PTPN2: variants seen among roughly 807,000 people sequenced by gnomAD.
The protein encoded by PTPN2 is protein tyrosine phosphatase non-receptor type 2.
A neutral mutation model predicts 57.3 loss-of-function variants in PTPN2; 19 were observed. That is an observed-to-expected ratio of 0.33 (90% CI 0.23 to 0.49). The LOEUF is 0.49. Among genes scored for constraint, PTPN2 ranks in the 20% least tolerant of loss-of-function variants. The probability of loss-of-function intolerance (pLI) is 0.99; values close to 1 mark genes in which losing one functional copy is unlikely to be tolerated. For missense variants in PTPN2, 358 were observed against 501.1 expected (o/e 0.71, Z 2.73); for synonymous variants, 153 against 164.9 (o/e 0.93, Z 0.55).
chr18:12,857,814 T>C (rs1282349435), intron 2 of PTPN2, among the ~76,000 whole-genome samples: 1 of 152,198 alleles, frequency 6.6e-6, no homozygotes, highest in East Asian at 1.9e-4. Context: ...CTCTTCTAGC[T>C]ACTTGTCTTT....
At chr18:12,827,392 A>G (rs1020791058) in intron 4 of PTPN2, among the ~76,000 whole-genome samples, 1 of 89,694 alleles carries the variant, frequency 1.1e-5, no homozygotes, top group African/African-American at 3.3e-5. Flanking sequence ...AGGAAAATAA[A>G]TAATTTTTTT....
chr18:12,871,360 TTGTC>T (rs1387629970), intron 1 of PTPN2, among the ~76,000 whole-genome samples: 3 of 152,148 alleles, frequency 2.0e-5, no homozygotes, highest in African/African-American at 7.2e-5. Flanking sequence ...TTTTTCATCT[TTGTC>T]TGATAGGTGA....
Position 12,884,208 on chromosome 18 carries a change from C to G in PTPN2, c.-67G>C, listed in dbSNP as rs960969435. The G allele has an allele frequency of 1.5e-6, 2 of 1,302,262 alleles. No individual in the cohort carries two copies. Among genetic ancestry groups the G allele is most frequent in the Non-Finnish European group, 2.1e-6 (2 of 973,336 alleles). The allele number at this position is 1,302,262 out of a possible 1,614,324, so 80.7% of individuals were successfully genotyped here. A position where few individuals can be genotyped will look rare whatever the true frequency, so the allele number is the denominator to read the frequency against. ...GGAGAGGCTCAGGCCCCGCACGATCCGGGGAGAGCGCTGGCGCTGCGGCGC... is the reference window on the plus strand; with the variant it reads ...GGAGAGGCTCAGGCCCCGCACGATCGGGGGAGAGCGCTGGCGCTGCGGCGC... On this transcript the variant is annotated 5_prime_UTR_variant, in exon 1 of 9. Coordinates refer to ENST00000309660, the MANE Select transcript of PTPN2 (RefSeq NM_002828.4).
intron 1 of PTPN2, chr18:12,880,379 A>G (rs1356276987): frequency 6.6e-6 from 1 of 152,244 alleles, no homozygotes; most frequent in Non-Finnish European, 1.5e-5. Flanking sequence ...AAAGCCGTTC[A>G]AGGGTTTAAG....
chr18:12,830,067 A>G (rs1222858948), intron 4 of PTPN2, among the ~76,000 whole-genome samples: 1 of 151,984 alleles, frequency 6.6e-6, no homozygotes, highest in Non-Finnish European at 1.5e-5. Context: ...GTAGTCTACA[A>G]TGGTGCTCAA....
downstream of PTPN2, chr18:12,787,813 G>GAAAC (rs796778559): frequency 3.0e-4 from 46 of 152,806 alleles, no homozygotes; most frequent in African/African-American, 1.1e-3. Context: ...TAAGTCAAAT[G>GAAAC]AAACAAACGT....
chr18:12,787,896 G>T (rs2040881237), downstream of PTPN2, among the ~76,000 whole-genome samples: 1 of 152,172 alleles, frequency 6.6e-6, no homozygotes, highest in Non-Finnish European at 1.5e-5. Flanking sequence ...GGGTGGGTGT[G>T]GACAGAGGGT....
At position 12,794,146 on chromosome 18, in the gene PTPN2, T is replaced by C. The variant is rs1361441264; in HGVS notation, c.*132A>G. Reference sequence around the variant, plus strand: ...GATGTTGGGCTTGTGACTGTAAATATCACTTATCTGGTTGATGTCTATTCT... The same window carrying C: ...GATGTTGGGCTTGTGACTGTAAATACCACTTATCTGGTTGATGTCTATTCT... On this transcript the variant is annotated 3_prime_UTR_variant, in exon 9 of 9. Transcript: ENST00000309660. 2 of 1,477,790 alleles carry C rather than the reference T, an allele frequency of 1.4e-6. No individual in the cohort carries two copies. Among genetic ancestry groups the C allele is most frequent in the Non-Finnish European group, 1.8e-6 (2 of 1,120,012 alleles). The allele number at this position is 1,477,790 out of a possible 1,614,324, so 91.5% of individuals were successfully genotyped here. A position where few individuals can be genotyped will look rare whatever the true frequency, so the allele number is the denominator to read the frequency against.
intron 2 of PTPN2, among the ~76,000 whole-genome samples, chr18:12,856,800 CT>C (rs2043604850): frequency 6.6e-6 from 1 of 152,168 alleles, no homozygotes; most frequent in African/African-American, 2.4e-5. Flanking sequence ...TGGCTCATGA[CT>C]GTAATCCCAG....
At chr18:12,879,359 C>A (rs1470134167) in intron 1 of PTPN2, among the ~76,000 whole-genome samples, 1 of 152,198 alleles carries the variant, frequency 6.6e-6, no homozygotes, top group African/African-American at 2.4e-5. Context: ...TTGACTCTTG[C>A]TTTCTAAGAT....
At chr18:12,805,894 C>T (rs1004492004) in intron 7 of PTPN2, among the ~76,000 whole-genome samples, 20 of 152,110 alleles carry the variant, frequency 1.3e-4, no homozygotes, top group African/African-American at 4.6e-4. Context: ...CCCCAAAGTG[C>T]TGGGATTACA....
chr18:12,861,965 A>C (rs577828389), intron 1 of PTPN2: 2 of 152,342 alleles, frequency 1.3e-5, no homozygotes, highest in South Asian at 4.2e-4. Context: ...TCTTGGGGTT[A>C]AGAAATACAT....
rs61637080 is a variant in PTPN2, at chr18:12,839,794, T to A, written c.161-2903A>T. Among the ~76,000 whole-genome samples, 856 of 152,248 alleles carry A rather than the reference T, an allele frequency of 5.6e-3. 15 individuals are homozygous for A. The East Asian group carries it at 0.057, about 10-fold the overall frequency. ...ATAACTTGGATTAAAATTAAGCCAA[T>A]TTCTGACAAGGAGTCCCTTCACCTC... On this transcript the variant is annotated intron_variant, in intron 2 of 8. Coordinates refer to ENST00000309660, the MANE Select transcript of PTPN2 (RefSeq NM_002828.4).
chr18:12,790,285 CTG>C (rs1302383785), downstream of PTPN2, among the ~76,000 whole-genome samples: 4 of 152,230 alleles, frequency 2.6e-5, no homozygotes, highest in East Asian at 5.8e-4. Flanking sequence ...ATTTTTAAGT[CTG>C]TACAACAACC....
chr18:12,873,448 T>C (rs1361143468), intron 1 of PTPN2, among the ~76,000 whole-genome samples: 1 of 152,216 alleles, frequency 6.6e-6, no homozygotes, highest in African/African-American at 2.4e-5. Flanking sequence ...CCGCCATGCC[T>C]GACTGGTTTT....
chr18:12,813,828 T>C (rs1381542847), intron 7 of PTPN2, among the ~76,000 whole-genome samples: 1 of 152,238 alleles, frequency 6.6e-6, no homozygotes, highest in Non-Finnish European at 1.5e-5. Flanking sequence ...GCCATAAATA[T>C]TCAAGTTGCT....
At chr18:12,788,885 T>C (rs1218894400), downstream of PTPN2, among the ~76,000 whole-genome samples, 1 of 152,182 alleles carries the variant, frequency 6.6e-6, no homozygotes, top group Non-Finnish European at 1.5e-5. Context: ...AGAAAATTCC[T>C]GCTGCCGAGG....
chr18:12,819,185 G>A, intron 5 of PTPN2: 1 of 1,078,684 alleles, frequency 9.3e-7, no homozygotes, highest in Non-Finnish European at 1.3e-6. Context: ...ATAAAATACA[G>A]TGAAATAAAT....
Position 12,792,915 on chromosome 18 carries a change from C to A in PTPN2, c.*1363G>T. On this transcript the variant is annotated 3_prime_UTR_variant, in exon 9 of 9. Transcript: ENST00000309660. ...CAAACTGTTTTTAAATGATAACTGC[C>A]CCCTTTAAAATACTTAAGCCTTATG... 1.0e-6 allele frequency: 1 copy of A among 984,216 alleles called. No homozygotes were observed. Among genetic ancestry groups the A allele is most frequent in the Non-Finnish European group, 1.2e-6 (1 of 828,840 alleles). The allele number at this position is 984,216 out of a possible 1,614,324, so 61.0% of individuals were successfully genotyped here.
Sources: gnomAD v4.1 joint callset for allele counts (sites outside exome capture counted in the v4.1 genomes callset) on GRCh38, gnomAD v4.1.1 for gene constraint, MANE v1.5 for transcripts, NCBI Gene and HGNC (gene_info 2026-07-23, HGNC 2026-07-21) for gene names.